Variants in KIF18A observed in about 807,000 individuals in gnomAD.
KIF18A encodes the protein kinesin family member 18A.
In KIF18A, 67 loss-of-function variants were observed where a neutral mutation model predicts 103.3. The observed-to-expected ratio is 0.65, with a 90% confidence interval of 0.53 to 0.79. The LOEUF is 0.79. Ranked by LOEUF, KIF18A falls within the 30% of genes least tolerant of loss-of-function variation. The pLI is 0.00. For synonymous variants in KIF18A, 367 were observed against 355.5 expected (o/e 1.03, Z -0.36); for missense variants, 1,032 against 1,062.5 (o/e 0.97, Z 0.40).
At chr11:28,043,010 C>T (rs1376003358) in intron 13 of KIF18A, among the ~76,000 whole-genome samples, 1 of 151,742 alleles carries the variant, frequency 6.6e-6, no homozygotes, top group Non-Finnish European at 1.5e-5. Context: ...TGGCAGATAT[C>T]AGTAAAGGGC....
At position 28,054,619 on chromosome 11, in the gene KIF18A, G is replaced by A. The variant is rs970052580; in HGVS notation, c.1948+4307C>T. Among the ~76,000 whole-genome samples, 10 of 152,086 alleles carry A rather than the reference G, an allele frequency of 6.6e-5. No individual in the cohort carries two copies. In the South Asian group the frequency reaches 8.3e-4, roughly 13 times the overall value. On this transcript the variant is annotated intron_variant, in intron 13 of 16. Coordinates refer to ENST00000263181, the MANE Select transcript of KIF18A (RefSeq NM_031217.4). ...GCACTTGAACTCACTTATAAACACC[G>A]TTCCTATTATTCCTCCTTGACACTA...
At chr11:28,059,223 GT>G (rs1459837389) in intron 12 of KIF18A, 62 bp from the exon 13 acceptor site, 3 of 1,129,862 alleles carry the variant, frequency 2.7e-6, no homozygotes, top group Non-Finnish European at 2.6e-6. Context: ...CATTATTTTA[GT>G]TCTTTTATGT....
chr11:28,043,637 A>G (rs1223048916), intron 13 of KIF18A, among the ~76,000 whole-genome samples: 1 of 151,652 alleles, frequency 6.6e-6, no homozygotes, highest in Non-Finnish European at 1.5e-5. Context: ...ATATAAAAAA[A>G]TGTTCATTAA....
At chr11:28,105,751 A>T (rs1216890128) in intron 1 of KIF18A, among the ~76,000 whole-genome samples, 1 of 152,200 alleles carries the variant, frequency 6.6e-6, no homozygotes, top group Non-Finnish European at 1.5e-5. Flanking sequence ...CAGAGTGGCC[A>T]TTCTCAATAA....
At chr11:28,103,914 CATT>C (rs1851474945) in intron 1 of KIF18A, among the ~76,000 whole-genome samples, 1 of 152,124 alleles carries the variant, frequency 6.6e-6, no homozygotes, top group Admixed American at 6.5e-5. Context: ...TTATTTTCAT[CATT>C]AAGTGTGGTT....
chr11:28,061,166 A>T (rs1009921929), intron 12 of KIF18A, among the ~76,000 whole-genome samples: 1 of 152,186 alleles, frequency 6.6e-6, no homozygotes, highest in East Asian at 1.9e-4. Context: ...TTTTATGTTT[A>T]ATCTTTTCAA....
At chr11:28,031,999 C>A (rs555496225) in intron 15 of KIF18A, among the ~76,000 whole-genome samples, 45 of 151,450 alleles carry the variant, frequency 3.0e-4, no homozygotes, top group Admixed American at 9.2e-4. Flanking sequence ...AACGTAGAGT[C>A]CACAAAAAAC....
At chr11:28,065,425 C>G (rs1329510975) in intron 11 of KIF18A, among the ~76,000 whole-genome samples, 1 of 151,870 alleles carries the variant, frequency 6.6e-6, no homozygotes. Context: ...TGATAAAATG[C>G]ATAAAAATCA....
chr11:28,107,698 A>T (rs749134035), intron 1 of KIF18A, among the ~76,000 whole-genome samples: 1 of 152,176 alleles, frequency 6.6e-6, no homozygotes, highest in Non-Finnish European at 1.5e-5. Context: ...TCTGAAACAA[A>T]ACACTCCCAA....
At chr11:28,055,969 A>G (rs1393023037) in intron 13 of KIF18A, among the ~76,000 whole-genome samples, 2 of 152,112 alleles carry the variant, frequency 1.3e-5, no homozygotes. Flanking sequence ...ATGGATGCTC[A>G]TATCCTTTAT....
intron 9 of KIF18A, among the ~76,000 whole-genome samples, chr11:28,079,583 G>C (rs1335617075): frequency 6.6e-6 from 1 of 152,038 alleles, no homozygotes; most frequent in African/African-American, 2.4e-5. Context: ...AAAACAGTAT[G>C]AATAACCATT....
intron 1 of KIF18A, among the ~76,000 whole-genome samples, chr11:28,104,305 A>C (rs1590716860): frequency 6.6e-6 from 1 of 152,156 alleles, no homozygotes; most frequent in African/African-American, 2.4e-5. Context: ...ATGGCCTATA[A>C]ATTCCACATA....
intron 5 of KIF18A, among the ~76,000 whole-genome samples, 173 bp from the exon 6 acceptor site, chr11:28,088,894 G>C (rs1245570071): frequency 6.6e-6 from 1 of 152,040 alleles, no homozygotes; most frequent in African/African-American, 2.4e-5. Context: ...CTATAGCTGA[G>C]AAAAATATAA....
intron 3 of KIF18A, among the ~76,000 whole-genome samples, chr11:28,093,407 A>T (rs1372455342): frequency 6.6e-6 from 1 of 152,186 alleles, no homozygotes; most frequent in Non-Finnish European, 1.5e-5. Flanking sequence ...AGATGTTAAT[A>T]AGAGAGAAAT....
chr11:28,104,088 T>C (rs1851476961), intron 1 of KIF18A, among the ~76,000 whole-genome samples: 1 of 152,226 alleles, frequency 6.6e-6, no homozygotes, highest in Non-Finnish European at 1.5e-5. Context: ...ATTTTTAACT[T>C]ATAACATATG....
chr11:28,038,858 A>G (rs573714663), intron 13 of KIF18A, among the ~76,000 whole-genome samples: 20 of 151,856 alleles, frequency 1.3e-4, no homozygotes, highest in African/African-American at 4.6e-4. Context: ...TTCCATTACC[A>G]GATATTTTTA....
chr11:28,094,835 T>C, intron 2 of KIF18A, 35 bp from the exon 3 acceptor site: 1 of 1,590,356 alleles, frequency 6.3e-7, no homozygotes, highest in South Asian at 1.1e-5. Flanking sequence ...AACTCTTTGT[T>C]ATGAAATATA....
intron 13 of KIF18A, among the ~76,000 whole-genome samples, chr11:28,041,019 T>C (rs1850551957): frequency 6.6e-6 from 1 of 151,742 alleles, no homozygotes; most frequent in Admixed American, 6.6e-5. Flanking sequence ...GTTTTATTTA[T>C]GAAAAAAAGT....
chr11:28,033,428 A>T (rs967923450), intron 15 of KIF18A, among the ~76,000 whole-genome samples: 4 of 151,726 alleles, frequency 2.6e-5, no homozygotes, highest in Admixed American at 6.6e-5. Flanking sequence ...TTGCAACACT[A>T]CTCACAATAG....
Sources: gnomAD v4.1 joint callset for allele counts (sites outside exome capture counted in the v4.1 genomes callset) on GRCh38, gnomAD v4.1.1 for gene constraint, MANE v1.5 for transcripts, NCBI Gene and HGNC (gene_info 2026-07-23, HGNC 2026-07-21) for gene names.